Variants in MPST observed in about 807,000 individuals in gnomAD.
MPST encodes the protein 3-mercaptopyruvate sulfurtransferase.
A neutral mutation model predicts 28.5 loss-of-function variants in MPST; 27 were observed. The observed-to-expected ratio is 0.95, with a 90% CI of 0.70 to 1.31. The LOEUF is 1.31. Ranked by LOEUF, MPST falls within the 50% of genes most tolerant of loss-of-function variation. The pLI, the probability that MPST is intolerant of heterozygous loss-of-function variation, is 0.00. For missense variants in MPST, 492 were observed against 471.1 expected, an observed-to-expected ratio of 1.04 and a Z score of -0.41; for synonymous variants, 204 against 209.3, an observed-to-expected ratio of 0.97 and a Z score of 0.22.
intron 2 of MPST, chr22:37,028,776 C>A: frequency 6.2e-6 from 1 of 160,754 alleles, no homozygotes; most frequent in Non-Finnish European, 1.4e-5. Flanking sequence ...ATGCCCCAGG[C>A]CACCCAGTAG....
chr22:37,024,543 GC>G lies in MPST; in HGVS notation c.392del (p.Pro131ArgfsTer99). ...CGCCAGCGACCAGGGCCTCTACTCC[GC>G]CCCGCGCGTCTGGTGGATGTTCCGC... is the stretch of plus-strand genomic sequence containing the variant. ...YDASDQGLYSAPRVWWMFRAF... is the reference protein window; with the variant it reads ...YDASDQGLYSXPRVWWMFRAF... On this transcript the variant is annotated frameshift_variant, in exon 2 of 3. Coordinates refer to ENST00000429360, the MANE Select transcript of MPST (RefSeq NM_021126.8). LOFTEE classifies it high-confidence loss of function. 1 of 1,571,128 alleles carries G rather than the reference GC, an allele frequency of 6.4e-7. No individual in the cohort carries two copies. Among genetic ancestry groups the G allele is most frequent in the Non-Finnish European group, 8.6e-7 (1 of 1,164,420 alleles).
At position 37,029,483 on chromosome 22, in the gene MPST, T is replaced by A. The variant is rs751757735; in HGVS notation, c.923T>A (p.Val308Asp). ...TACATGCGCGCCCGGCCCGAGGATG[T>A]CATCTCAGAGGGCCGGGGGAAGACC... ...EWYMRARPED[V>D]ISEGRGKTH The change falls in exon 3 of 3, where the codon GTC (valine) becomes GAC (aspartate). Residue 308 changes from valine (V) to aspartate (D), a missense_variant. By Grantham distance (152) the Val-to-Asp change is radical. Transcript: ENST00000429360. 6.2e-7 allele frequency: 1 copy of A among 1,609,636 alleles called. No individual in the cohort carries two copies. The highest frequency in any genetic ancestry group is 8.5e-7 in the Non-Finnish European group (1 of 1,177,700).
rs578181844 is a variant in MPST at position 37,020,428 on chromosome 22, C to T, written c.36+556C>T. ...GTACCAGCTGCCTTTGTTTACCTGG[C>T]TCTTCCCTGAAGGTTCATGCTTTTT... On this transcript the variant is annotated intron_variant, in intron 1 of 2. Coordinates refer to ENST00000429360, the MANE Select transcript of MPST (RefSeq NM_021126.8). Among the ~76,000 whole-genome samples, 10 of 152,250 alleles carry T rather than the reference C, an allele frequency of 6.6e-5. No homozygotes were observed. The East Asian group carries it at 1.9e-3, about 29-fold the overall frequency.
chr22:37,029,403 C>T lies in MPST; in HGVS notation c.843C>T (p.Ala281=), dbSNP rs759739997. 3.1e-6 allele frequency: 5 copies of T among 1,613,972 alleles called. No homozygotes were observed. The highest frequency in any genetic ancestry group is 4.2e-6 in the Non-Finnish European group (5 of 1,180,038). ...GVTACHVALG[A]YLCGKPDVPI... The stretch of plus-strand genomic sequence containing the variant: ...CAGCCTGCCACGTGGCACTAGGGGC[C>T]TACCTCTGCGGCAAGCCAGACGTGC... The change falls in exon 3 of 3, where the codon GCC becomes GCT. Residue 281 remains alanine, a synonymous_variant. Transcript: ENST00000429360.
chr22:37,024,847 C>T, intron 2 of MPST, 37 bp downstream of exon 2: 5 of 1,592,848 alleles, frequency 3.1e-6, no homozygotes, highest in Non-Finnish European at 4.3e-6. Context: ...TCGTCGGGGG[C>T]GCGGCCTCTA....
intron 1 of MPST, among the ~76,000 whole-genome samples, chr22:37,022,444 G>A (rs1179927327): frequency 1.3e-5 from 2 of 152,204 alleles, no homozygotes; most frequent in African/African-American, 4.8e-5. Flanking sequence ...TCCGGCACAA[G>A]GCCTGACCGC....
chr22:37,029,244 C>T lies in MPST; in HGVS notation c.684C>T (p.Thr228=), dbSNP rs149946278. The change falls in exon 3 of 3, where the codon ACC becomes ACT. Residue 228 remains threonine (T), a synonymous_variant. Coordinates refer to ENST00000429360, the MANE Select transcript of MPST (RefSeq NM_021126.8). ...TTGAACCTGGCCACATCCCAGGTACCGTGAACATCCCCTTCACAGACTTCC... is the reference window on the plus strand; with the variant it reads ...TTGAACCTGGCCACATCCCAGGTACTGTGAACATCCCCTTCACAGACTTCC... ...DGIEPGHIPG[T]VNIPFTDFLS... is the part of the protein sequence containing the mutation. 128 of 1,613,968 alleles carry T rather than the reference C, an allele frequency of 7.9e-5. No individual in the cohort carries two copies. Among genetic ancestry groups the T allele is most frequent in the African/African-American group, 3.5e-4 (26 of 74,924 alleles).
chr22:37,026,853 G>A (rs1008034400), intron 2 of MPST: 15 of 152,500 alleles, frequency 9.8e-5, no homozygotes, highest in Admixed American at 9.2e-4. Context: ...TCACTCCACT[G>A]CGGAGGGAAA....
rs544895392 is a variant in MPST at position 37,021,660 on chromosome 22, A to G, written c.36+1788A>G. ...GCTAATTTTTGTATTTTTAGTAGAG[A>G]TGAGGTTTCACCATGTTAGTCAGGC... On this transcript the variant is annotated intron_variant, in intron 1 of 2. Transcript: ENST00000429360. Among the ~76,000 whole-genome samples the G allele has an allele frequency of 3.9e-5, 6 of 152,062 alleles. No individual in the cohort carries two copies. The East Asian group carries it at 9.7e-4, about 25-fold the overall frequency.
intron 2 of MPST, chr22:37,027,822 A>AT (rs1923632059): frequency 6.6e-6 from 1 of 152,132 alleles, no homozygotes; most frequent in South Asian, 2.1e-4. Flanking sequence ...AGACCCCTTT[A>AT]TGTGACTGAA....
At chr22:37,027,914 G>C (rs1476278198) in intron 2 of MPST, 4 of 152,232 alleles carry the variant, frequency 2.6e-5, no homozygotes, top group Non-Finnish European at 5.9e-5. Flanking sequence ...AAGGTGGGAA[G>C]CATAGACTTG....
intron 1 of MPST, among the ~76,000 whole-genome samples, chr22:37,022,321 T>C (rs1026733574): frequency 6.6e-6 from 1 of 152,128 alleles, no homozygotes. Flanking sequence ...CAGGCAAACA[T>C]AGGGGCCCTC....
chr22:37,025,165 C>CTT (rs1923433772), intron 2 of MPST: 1 of 1,325,454 alleles, frequency 7.5e-7, no homozygotes, highest in Non-Finnish European at 9.8e-7. Flanking sequence ...GCCTCGGTGA[C>CTT]TTTGTCTGTT....
rs138603526 is a variant in MPST, at chr22:37,029,374, G to A, written c.814G>A (p.Val272Ile). ...KPLVATCGSG[V>I]TACHVALGAY... is the part of the protein sequence containing the mutation. ...ACTGGTGGCCACGTGTGGCTCTGGC[G>A]TCACAGCCTGCCACGTGGCACTAGG... is the stretch of plus-strand genomic sequence containing the variant. Residue 272 changes from valine (V) to isoleucine (I), a missense_variant, in exon 3 of 3, where the codon GTC (valine) becomes ATC (isoleucine). Physicochemically the swap from Val to Ile is conservative, Grantham distance 29. Transcript: ENST00000429360. The A allele has an allele frequency of 4.1e-5, 66 of 1,613,968 alleles. 1 individual carries two copies. The highest frequency in any genetic ancestry group is 1.7e-4 in the Admixed American group (10 of 60,034).
chr22:37,028,897 T>C (rs1923701601), intron 2 of MPST: 2 of 284,026 alleles, frequency 7.0e-6, no homozygotes, highest in South Asian at 1.1e-4. Context: ...GCAGGGGTCT[T>C]GTTTATTGCT....
chr22:37,023,708 T>C, intron 1 of MPST: 1 of 1,038,578 alleles, frequency 9.6e-7, no homozygotes, highest in Non-Finnish European at 1.2e-6. Context: ...GATTCAGTGG[T>C]ACCCAGCAAG....
At chr22:37,027,597 A>C (rs1024903630) in intron 2 of MPST, 3 of 152,352 alleles carry the variant, frequency 2.0e-5, no homozygotes, top group Admixed American at 2.0e-4. Context: ...AAGTAAACGC[A>C]GAAGCCTGAG....
At chr22:37,021,352 G>A (rs1452754359) in intron 1 of MPST, among the ~76,000 whole-genome samples, 1 of 152,098 alleles carries the variant, frequency 6.6e-6, no homozygotes, top group African/African-American at 2.4e-5. Context: ...AGGGAGACTG[G>A]GGCAGGGTGA....
chr22:37,029,526 A>T lies in MPST; in HGVS notation c.*12A>T, dbSNP rs770172379. On this transcript the variant is annotated 3_prime_UTR_variant, in exon 3 of 3. Coordinates refer to ENST00000429360, the MANE Select transcript of MPST (RefSeq NM_021126.8). ...GGAAGACCCACTGAAGCTGGGCAGG[A>T]CACAGGCGAGCTCAGGTGATGCCGG... The T allele has an allele frequency of 2.8e-5, 44 of 1,589,476 alleles. No homozygotes were observed. The highest frequency in any genetic ancestry group is 3.5e-5 in the Non-Finnish European group (41 of 1,165,678).
Sources: gnomAD v4.1 joint callset for allele counts (sites outside exome capture counted in the v4.1 genomes callset) on GRCh38, gnomAD v4.1.1 for gene constraint, MANE v1.5 for transcripts, NCBI Gene and HGNC (gene_info 2026-07-23, HGNC 2026-07-21) for gene names.